Variants in ATG4B observed in about 807,000 individuals in gnomAD.
ATG4B encodes autophagy related 4B cysteine peptidase.
A neutral mutation model predicts 56.6 loss-of-function variants in ATG4B; 29 were observed. The ratio of observed to expected loss-of-function variants is 0.51; its 90% CI spans 0.38 to 0.70. The LOEUF (loss-of-function observed/expected upper bound fraction) is 0.70. Ranked by LOEUF, ATG4B falls within the 30% of genes least tolerant of loss-of-function variation. The pLI, the probability that ATG4B is intolerant of heterozygous loss-of-function variation, is 0.00. For missense variants in ATG4B, 461 were observed against 515.5 expected, an observed-to-expected ratio of 0.89 and a Z score of 1.02; for synonymous variants, 224 against 206.1, an observed-to-expected ratio of 1.09 and a Z score of -0.74.
At chr2:241,649,151 G>C (rs1389563661) in intron 1 of ATG4B, among the ~76,000 whole-genome samples, 1 of 152,192 alleles carries the variant, frequency 6.6e-6, no homozygotes, top group Non-Finnish European at 1.5e-5. Context: ...TTTAAATTCT[G>C]ACTGCCCCCT....
At chr2:241,670,403 A>G (rs974101775) in intron 10 of ATG4B, among the ~76,000 whole-genome samples, 4 of 151,682 alleles carry the variant, frequency 2.6e-5, no homozygotes, top group African/African-American at 2.4e-5. Context: ...AGAGCTCCCC[A>G]CTTGGCCCTA....
intron 12 of ATG4B, 124 bp downstream of exon 12, chr2:241,671,529 C>T (rs1177566033): frequency 6.5e-7 from 1 of 1,543,112 alleles, no homozygotes; most frequent in East Asian, 2.5e-5. Context: ...GAGCACTTGG[C>T]AGTGGTTCGC....
chr2:241,645,598 A>C (rs1252494043), intron 1 of ATG4B, among the ~76,000 whole-genome samples: 1 of 152,210 alleles, frequency 6.6e-6, no homozygotes, highest in Non-Finnish European at 1.5e-5. Flanking sequence ...ACACCAAGTC[A>C]CAAGAAGGTC....
At chr2:241,655,174 C>A in intron 5 of ATG4B, 97 bp from the exon 6 acceptor site, 1 of 1,296,134 alleles carries the variant, frequency 7.7e-7, no homozygotes, top group Non-Finnish European at 1.1e-6. Context: ...CGGGTGCTGT[C>A]CAGGCCTTCC....
rs1287477056 is a variant in ATG4B, at chr2:241,666,647, A to C, written c.541A>C (p.Arg181=). Residue 181 remains arginine, a splice_region_variant and synonymous_variant, in exon 8 of 13, where the codon AGG becomes CGG. Transcript: ENST00000404914. ...TGAAAGCATGTCTCCCTTTCTAGGA[A>C]GGTTGTGCAGGACCAGCGTTCCCTG... ...DNTVVMEEIR[R]LCRTSVPCAG... is the part of the protein sequence containing the mutation. 1 of 1,613,278 alleles carries C rather than the reference A, an allele frequency of 6.2e-7. No homozygotes were observed. Among genetic ancestry groups the C allele is most frequent in the Admixed American group, 1.7e-5 (1 of 59,956 alleles).
rs901287056 is a variant in ATG4B, at chr2:241,673,534, C to T, written c.*1270C>T. The T allele has an allele frequency of 8.2e-5, 37 of 452,452 alleles. No individual in the cohort carries two copies. The highest frequency in any genetic ancestry group is 8.4e-5 in the Non-Finnish European group (19 of 225,252). 28.0% of individuals were successfully genotyped at this position (452,452 alleles called of 1,614,324 possible). The stretch of plus-strand genomic sequence containing the variant: ...CGCGCGCCGGACAGTCGGCACTGAC[C>T]GGCCCACCTGGTAGCAGAGGACACC... On this transcript the variant is annotated 3_prime_UTR_variant, in exon 13 of 13. Coordinates refer to ENST00000404914, the MANE Select transcript of ATG4B (RefSeq NM_013325.5).
At position 241,673,206 on chromosome 2, in the gene ATG4B, G is replaced by GGT; in HGVS notation, c.*948_*949dup. The GGT allele has an allele frequency of 3.9e-6, 1 of 257,816 alleles. No individual in the cohort carries two copies. The highest frequency in any genetic ancestry group is 3.7e-5 in the South Asian group (1 of 26,990). The allele number at this position is 257,816 out of a possible 1,614,324, so 16.0% of individuals were successfully genotyped here. ...AAGGGGAAAACCACTTGAGTCTTGTGGTGTGTGGTGGGCAGACACCACAGG... is the reference window on the plus strand; with the variant it reads ...AAGGGGAAAACCACTTGAGTCTTGTGGTGTGTGTGGTGGGCAGACACCACAGG... On this transcript the variant is annotated 3_prime_UTR_variant, in exon 13 of 13. Coordinates refer to ENST00000404914, the MANE Select transcript of ATG4B (RefSeq NM_013325.5).
At chr2:241,663,014 T>A (rs2068637810) in intron 7 of ATG4B, among the ~76,000 whole-genome samples, 1 of 152,076 alleles carries the variant, frequency 6.6e-6, no homozygotes. Flanking sequence ...GGTGGGTAGA[T>A]CACATGAGGT....
In ATG4B at chr2:241,668,628, C is replaced by T; in HGVS notation, c.900C>T (p.His300=). 1 of 1,583,184 alleles carries T rather than the reference C, an allele frequency of 6.3e-7. No homozygotes were observed. Among genetic ancestry groups the T allele is most frequent in the African/African-American group, 1.3e-5 (1 of 74,228 alleles). The change falls in exon 10 of 13, where the codon CAC becomes CAT. Residue 300 remains histidine (H), a synonymous_variant. Coordinates refer to ENST00000404914, the MANE Select transcript of ATG4B (RefSeq NM_013325.5). This position sits in a 1 kb window ranked among gnomAD's most constrained non-coding sequence, Gnocchi z 4.2. ...DGCFIPDESF[H]CQHPPCRMSI... is the part of the protein sequence containing the mutation. ...GCTTCATCCCGGACGAGAGCTTCCA[C>T]TGCCAGCACCCGCCGTGCCGCATGA...
chr2:241,646,084 A>G (rs1212638122), intron 1 of ATG4B, among the ~76,000 whole-genome samples: 2 of 152,216 alleles, frequency 1.3e-5, no homozygotes, highest in African/African-American at 2.4e-5. Context: ...TTTCACAGTT[A>G]TAGCTGGAGG....
intron 8 of ATG4B, chr2:241,667,939 G>C (rs1216520877): frequency 1.8e-6 from 1 of 565,504 alleles, no homozygotes; most frequent in East Asian, 3.0e-5. Flanking sequence ...TCCCTGAGCT[G>C]AGCCTGCAGA....
At chr2:241,658,996 C>G in intron 6 of ATG4B, 112 bp from the exon 7 acceptor site, 2 of 727,322 alleles carry the variant, frequency 2.7e-6, no homozygotes, top group Non-Finnish European at 4.4e-6. Flanking sequence ...CTTGGCCCTT[C>G]TCATCCGAGA....
chr2:241,657,997 C>G (rs1350916855), intron 6 of ATG4B, among the ~76,000 whole-genome samples: 4 of 152,114 alleles, frequency 2.6e-5, no homozygotes, highest in Non-Finnish European at 4.4e-5. Context: ...GGGTTGCGCC[C>G]CATGTCTGCC....
chr2:241,640,985 G>A (rs182071587), intron 1 of ATG4B, among the ~76,000 whole-genome samples: 1 of 152,328 alleles, frequency 6.6e-6, no homozygotes, highest in African/African-American at 2.4e-5. Context: ...TCACATGATA[G>A]ACTGTGTTCA....
intron 3 of ATG4B, among the ~76,000 whole-genome samples, chr2:241,652,460 G>T (rs1054949190): frequency 6.6e-6 from 1 of 152,238 alleles, no homozygotes; most frequent in Non-Finnish European, 1.5e-5. Flanking sequence ...AAGCAGCCCT[G>T]TCGCAGTTCT....
Position 241,666,692 on chromosome 2 carries a change from C to G in ATG4B, c.586C>G (p.Pro196Ala). 1.2e-6 allele frequency: 2 copies of G among 1,613,376 alleles called. No homozygotes were observed. Among genetic ancestry groups the G allele is most frequent in the Non-Finnish European group, 1.7e-6 (2 of 1,179,714 alleles). The stretch of plus-strand genomic sequence containing the variant: ...TCCCTGTGCAGGCGCCACTGCGTTT[C>G]CTGCAGATTCCGACCGGCACTGCAA... ...SVPCAGATAF[P>A]ADSDRHCNGF... is the part of the protein sequence containing the mutation. The change falls in exon 8 of 13, where the codon CCT (proline) becomes GCT (alanine). Residue 196 changes from proline to alanine, a missense_variant. Pro to Ala is a conservative substitution (Grantham distance 27). Transcript: ENST00000404914.
At chr2:241,642,872 C>CTTT (rs1165718825) in intron 1 of ATG4B, among the ~76,000 whole-genome samples, 2 of 104,256 alleles carry the variant, frequency 1.9e-5, no homozygotes, top group Admixed American at 1.1e-4. Flanking sequence ...CCTCTCCGTC[C>CTTT]TTTTTTTTTT....
chr2:241,637,896 C>A, intron 1 of ATG4B, 172 bp downstream of exon 1: 1 of 154,776 alleles, frequency 6.5e-6, no homozygotes, highest in Non-Finnish European at 1.4e-5. Context: ...GGGTGGTGGG[C>A]GGTGGGAGCG....
chr2:241,659,465 C>T, intron 7 of ATG4B: 1 of 490,706 alleles, frequency 2.0e-6, no homozygotes. Context: ...TTTATGAAGG[C>T]CCTGCTGTGC....
Sources: gnomAD v4.1 joint callset for allele counts (sites outside exome capture counted in the v4.1 genomes callset) on GRCh38, gnomAD v4.1.1 for gene constraint, Gnocchi (gnomAD v3.1) non-coding constraint, MANE v1.5 for transcripts, NCBI Gene and HGNC (gene_info 2026-07-23, HGNC 2026-07-21) for gene names.